Variants in XPO4 observed in about 807,000 individuals in gnomAD.
XPO4 encodes exportin 4.
Under a neutral mutation model 143.0 loss-of-function variants are expected in XPO4, and 39 were observed. That is an observed-to-expected ratio of 0.27 (90% CI 0.21 to 0.36). The LOEUF (loss-of-function observed/expected upper bound fraction) is 0.36. Among genes scored for constraint, XPO4 ranks in the 10% least tolerant of loss-of-function variants. XPO4 has a pLI of 1.00. For missense variants in XPO4, 907 were observed against 1,348.0 expected, an observed-to-expected ratio of 0.67 and a Z score of 5.12; for synonymous variants, 439 against 474.0, an observed-to-expected ratio of 0.93 and a Z score of 0.96.
intron 1 of XPO4, among the ~76,000 whole-genome samples, chr13:20,893,947 G>A (rs2060543815): frequency 6.6e-6 from 1 of 152,130 alleles, no homozygotes; most frequent in South Asian, 2.1e-4. Flanking sequence ...GGGTTCAAGT[G>A]ATTCTCCTGC....
intron 7 of XPO4, among the ~76,000 whole-genome samples, chr13:20,824,201 T>C (rs181489227): frequency 1.7e-4 from 26 of 152,344 alleles, no homozygotes; most frequent in African/African-American, 6.0e-4. Flanking sequence ...CCAAGTACAA[T>C]AGACAAATTC....
intron 8 of XPO4, 69 bp downstream of exon 8, chr13:20,822,063 T>C: frequency 6.6e-7 from 1 of 1,506,896 alleles, no homozygotes; most frequent in South Asian, 1.4e-5. Flanking sequence ...ACTAGTTTCT[T>C]TTTTTCTTCT....
At chr13:20,864,786 A>G (rs972542741) in intron 2 of XPO4, among the ~76,000 whole-genome samples, 1 of 152,110 alleles carries the variant, frequency 6.6e-6, no homozygotes, top group Non-Finnish European at 1.5e-5. Context: ...AAGTTTCTTA[A>G]TTCTTTTTCT....
intron 6 of XPO4, among the ~76,000 whole-genome samples, chr13:20,837,101 T>C (rs983949147): frequency 2.6e-5 from 4 of 152,256 alleles, no homozygotes; most frequent in Admixed American, 1.3e-4. Context: ...TCTACTCATA[T>C]AGTATTATGA....
chr13:20,883,593 G>A (rs1862925214), intron 1 of XPO4, among the ~76,000 whole-genome samples: 3 of 152,128 alleles, frequency 2.0e-5, no homozygotes, highest in Admixed American at 2.0e-4. Flanking sequence ...CTAGAAAAAT[G>A]ATCTTTCAGG....
intron 6 of XPO4, among the ~76,000 whole-genome samples, chr13:20,830,364 G>GT (rs911538336): frequency 3.3e-5 from 5 of 152,050 alleles, no homozygotes; most frequent in Admixed American, 1.3e-4. Context: ...CTGGCATGAT[G>GT]TTTGCCTTCT....
intron 12 of XPO4, 29 bp downstream of exon 12, chr13:20,808,407 T>C: frequency 1.3e-6 from 2 of 1,497,706 alleles, no homozygotes; most frequent in Non-Finnish European, 1.8e-6. Context: ...AGTTGGCAAT[T>C]ACATTTTAAA....
intron 17 of XPO4, 147 bp downstream of exon 17, chr13:20,796,617 C>T (rs1050784940): frequency 1.4e-6 from 1 of 737,502 alleles, no homozygotes; most frequent in Non-Finnish European, 1.9e-6. Context: ...ATTATAAGTT[C>T]TTTTCAAAAA....
intron 1 of XPO4, among the ~76,000 whole-genome samples, chr13:20,889,848 T>A (rs2060495206): frequency 6.9e-6 from 1 of 144,646 alleles, no homozygotes; most frequent in Non-Finnish European, 1.6e-5. Flanking sequence ...TAAAGGTAGG[T>A]GTATATATAA....
chr13:20,783,938 A>G lies in XPO4; in HGVS notation c.3259-19T>C, dbSNP rs919186313. 1 of 1,609,846 alleles carries G rather than the reference A, an allele frequency of 6.2e-7. No homozygotes were observed. On this transcript the variant is annotated intron_variant, in intron 22 of 22. Coordinates refer to ENST00000255305, the MANE Select transcript of XPO4 (RefSeq NM_022459.5). ...ATTCAGCCTATTGAAGAGATAAAGT[A>G]TACACAAGTATCCTCCTTAGAATAT...
intron 19 of XPO4, among the ~76,000 whole-genome samples, chr13:20,789,848 C>T (rs1157763699): frequency 1.3e-5 from 2 of 152,074 alleles, no homozygotes; most frequent in Non-Finnish European, 2.9e-5. Context: ...CCACCCTTAT[C>T]CTGCTATGAC....
intron 9 of XPO4, among the ~76,000 whole-genome samples, chr13:20,818,823 C>A (rs2059683699): frequency 6.6e-6 from 1 of 151,776 alleles, no homozygotes; most frequent in Non-Finnish European, 1.5e-5. Flanking sequence ...TCCCCCTCCC[C>A]TTTGTTTTTT....
At chr13:20,876,971 TC>T (rs1345912332) in intron 1 of XPO4, among the ~76,000 whole-genome samples, 1 of 152,196 alleles carries the variant, frequency 6.6e-6, no homozygotes, top group Non-Finnish European at 1.5e-5. Context: ...TGCTGATTGG[TC>T]CATTTTACAG....
intron 19 of XPO4, 84 bp from the exon 20 acceptor site, chr13:20,788,700 C>A (rs972478406): frequency 5.5e-6 from 7 of 1,267,748 alleles, no homozygotes; most frequent in South Asian, 4.9e-5. Context: ...AAGTAACTGA[C>A]AAGCTTCTAA....
intron 7 of XPO4, among the ~76,000 whole-genome samples, chr13:20,824,589 T>C (rs1481547967): frequency 6.6e-6 from 1 of 152,240 alleles, no homozygotes; most frequent in Non-Finnish European, 1.5e-5. Context: ...AATAAATGCT[T>C]AATTTTTATA....
chr13:20,900,242 G>C (rs1479399055), intron 1 of XPO4, among the ~76,000 whole-genome samples: 1 of 152,034 alleles, frequency 6.6e-6, no homozygotes, highest in Non-Finnish European at 1.5e-5. Flanking sequence ...AAATTAGCTG[G>C]GTGTGGTGGT....
chr13:20,835,725 G>T (rs1281778641), intron 6 of XPO4, among the ~76,000 whole-genome samples: 1 of 152,108 alleles, frequency 6.6e-6, no homozygotes, highest in Non-Finnish European at 1.5e-5. Context: ...GGTTTGAACT[G>T]CACAGGTCCA....
At chr13:20,808,704 A>G (rs770983710) in intron 11 of XPO4, 123 bp from the exon 12 acceptor site, 146 of 782,134 alleles carry the variant, frequency 1.9e-4, no homozygotes, top group Non-Finnish European at 2.6e-4. Flanking sequence ...ATACAAAAAC[A>G]TTATAGTACA....
At position 20,898,304 on chromosome 13, in the gene XPO4, C is replaced by T. The variant is rs2138192580; in HGVS notation, c.69+4366G>A. ...ATGGGCCGGGTGCGGTGGCTCACGC[C>T]TGTTAATCCCAGCACTTTGGGAGAC... On this transcript the variant is annotated intron_variant, in intron 1 of 22. Transcript: ENST00000255305. Among the ~76,000 whole-genome samples the T allele has an allele frequency of 2.6e-5, 4 of 152,328 alleles. No homozygotes were observed. In the Middle Eastern group the frequency reaches 0.014, roughly 518 times the overall value.
Sources: gnomAD v4.1 joint callset for allele counts (sites outside exome capture counted in the v4.1 genomes callset) on GRCh38, gnomAD v4.1.1 for gene constraint, MANE v1.5 for transcripts, NCBI Gene and HGNC (gene_info 2026-07-23, HGNC 2026-07-21) for gene names.